Variants in FLVCR1 observed in about 807,000 individuals in gnomAD.
The protein encoded by FLVCR1 is choline/ethanolamine transporter FLVCR1.
FLVCR1 carries 34 observed loss-of-function variants against 53.6 expected under a neutral mutation model. The ratio of observed to expected loss-of-function variants is 0.63; its 90% CI spans 0.48 to 0.84. The LOEUF (loss-of-function observed/expected upper bound fraction) is 0.84. Among genes scored for constraint, FLVCR1 ranks in the 40% least tolerant of loss-of-function variants. The pLI, the probability that FLVCR1 is intolerant of heterozygous loss-of-function variation, is 0.00. For synonymous variants in FLVCR1, 300 were observed against 286.3 expected, an observed-to-expected ratio of 1.05 and a Z score of -0.48; for missense variants, 677 against 696.7, an observed-to-expected ratio of 0.97 and a Z score of 0.32.
At chr1:212,890,686 C>T (rs963359527) in intron 8 of FLVCR1, among the ~76,000 whole-genome samples, 2 of 152,130 alleles carry the variant, frequency 1.3e-5, no homozygotes, top group African/African-American at 4.8e-5. Flanking sequence ...GGTTGTGCTT[C>T]GTTGATCTGG....
intron 8 of FLVCR1, among the ~76,000 whole-genome samples, chr1:212,891,094 A>G (rs1665179510): frequency 6.6e-6 from 1 of 152,138 alleles, no homozygotes; most frequent in Non-Finnish European, 1.5e-5. Context: ...ATTCCTAGGC[A>G]AGTACTATAT....
chr1:212,890,455 T>C (rs1472511659), intron 8 of FLVCR1, among the ~76,000 whole-genome samples: 1 of 125,512 alleles, frequency 8.0e-6, no homozygotes, highest in Non-Finnish European at 1.9e-5. Flanking sequence ...TGATAGCTAA[T>C]GAGCTAAAAA....
chr1:212,892,844 T>A (rs1665228342), intron 8 of FLVCR1, among the ~76,000 whole-genome samples: 1 of 152,014 alleles, frequency 6.6e-6, no homozygotes, highest in Non-Finnish European at 1.5e-5. Context: ...TCTTGATTCA[T>A]GGGAGGAGGT....
At chr1:212,869,163 T>C (rs1256409653) in intron 2 of FLVCR1, among the ~76,000 whole-genome samples, 2 of 152,246 alleles carry the variant, frequency 1.3e-5, no homozygotes, top group African/African-American at 4.8e-5. Flanking sequence ...TTGAATGTGG[T>C]GCTCGAGAAT....
chr1:212,888,430 C>A, intron 6 of FLVCR1, 59 bp from the exon 7 acceptor site: 1 of 1,106,582 alleles, frequency 9.0e-7, no homozygotes, highest in Non-Finnish European at 1.4e-6. Context: ...ATGATTGCAT[C>A]AGTATGTGAT....
chr1:212,892,495 C>T (rs138212311), intron 8 of FLVCR1, among the ~76,000 whole-genome samples: 1 of 152,306 alleles, frequency 6.6e-6, no homozygotes, highest in African/African-American at 2.4e-5. Context: ...CTGTTAGTAG[C>T]ATGGTTTGCT....
intron 8 of FLVCR1, among the ~76,000 whole-genome samples, chr1:212,890,387 C>T (rs1270130839): frequency 6.6e-6 from 1 of 151,970 alleles, no homozygotes; most frequent in Non-Finnish European, 1.5e-5. Flanking sequence ...TTTGGCTTCT[C>T]TGGACCACAT....
intron 1 of FLVCR1, among the ~76,000 whole-genome samples, chr1:212,859,691 T>G (rs1286736473): frequency 6.6e-6 from 1 of 151,998 alleles, no homozygotes; most frequent in Non-Finnish European, 1.5e-5. Context: ...GCACTCCAGC[T>G]TGGGTGACAG....
At chr1:212,877,244 T>A (rs1286630055) in intron 3 of FLVCR1, among the ~76,000 whole-genome samples, 1 of 150,762 alleles carries the variant, frequency 6.6e-6, no homozygotes, top group African/African-American at 2.4e-5. Flanking sequence ...CACACCATTC[T>A]CCTGCCTCAG....
chr1:212,896,017 G>C lies in FLVCR1; in HGVS notation c.*727G>C, dbSNP rs1465668072. The C allele has an allele frequency of 1.3e-5, 2 of 152,230 alleles. No individual in the cohort carries two copies. Among genetic ancestry groups the C allele is most frequent in the African/African-American group, 4.8e-5 (2 of 41,434 alleles). The allele number at this position is 152,230 out of a possible 1,614,324, so 9.4% of individuals were successfully genotyped here. On this transcript the variant is annotated 3_prime_UTR_variant, in exon 10 of 10. Coordinates refer to ENST00000366971, the MANE Select transcript of FLVCR1 (RefSeq NM_014053.4). Reference sequence around the variant, plus strand: ...CCTGGTTACAGGTTCATTCTGTCTTGAGTTCTTTTCTGTGCTGCCTTTCTA... The same window carrying C: ...CCTGGTTACAGGTTCATTCTGTCTTCAGTTCTTTTCTGTGCTGCCTTTCTA...
rs567270153 is a variant in FLVCR1, at chr1:212,860,350, G to GTTTTTTTTTTT, written c.738+1168_738+1178dup. ...TATTATAAAGTTTTTTGTGTGTGTG[G>GTTTTTTTTTTT]TTTTTTTTTTTTTTTTTTGTAGAAA... On this transcript the variant is annotated intron_variant, in intron 1 of 9. Transcript: ENST00000366971. Among the ~76,000 whole-genome samples the GTTTTTTTTTTT allele has an allele frequency of 1.4e-3, 123 of 85,832 alleles. 9 individuals carry two copies. The highest frequency in any genetic ancestry group is 3.6e-3 in the African/African-American group (95 of 26,588). 56.3% of individuals were successfully genotyped at this position (85,832 alleles called of 152,430 possible).
chr1:212,858,353 G>C lies in FLVCR1; in HGVS notation c.-100G>C. The stretch of plus-strand genomic sequence containing the variant: ...CCGGGGAAGGAGCGGTGGGCCGAGG[G>C]GTTGGAGGTGGGGCCCCAGGAGGAC... On this transcript the variant is annotated 5_prime_UTR_variant, in exon 1 of 10. Transcript: ENST00000366971. 8.8e-7 allele frequency: 1 copy of C among 1,139,050 alleles called. No homozygotes were observed. Among genetic ancestry groups the C allele is most frequent in the Non-Finnish European group, 1.2e-6 (1 of 839,832 alleles). 70.6% of individuals were successfully genotyped at this position (1,139,050 alleles called of 1,614,324 possible).
chr1:212,878,579 T>C (rs1041151087), intron 3 of FLVCR1, among the ~76,000 whole-genome samples: 29 of 150,958 alleles, frequency 1.9e-4, no homozygotes, highest in African/African-American at 1.9e-4. Flanking sequence ...GAGACAACTA[T>C]TAAAACTAAT....
intron 1 of FLVCR1, among the ~76,000 whole-genome samples, chr1:212,861,364 A>G (rs141716880): frequency 6.6e-6 from 1 of 152,026 alleles, no homozygotes; most frequent in African/African-American, 2.4e-5. Context: ...TCTGAACCCC[A>G]TTTCTTTTCA....
chr1:212,882,279 CATAAT>C (rs1664951230), intron 3 of FLVCR1, among the ~76,000 whole-genome samples: 2 of 152,214 alleles, frequency 1.3e-5, no homozygotes, highest in Admixed American at 6.5e-5. Flanking sequence ...AGTATATTAA[CATAAT>C]AGAATACTGT....
chr1:212,897,356 A>C lies in FLVCR1; in HGVS notation c.*2066A>C, dbSNP rs1383367375. 1.3e-5 allele frequency: 2 copies of C among 150,506 alleles called. No individual in the cohort carries two copies. Among genetic ancestry groups the C allele is most frequent in the Admixed American group, 1.4e-4 (2 of 14,232 alleles). The allele number at this position is 150,506 out of a possible 1,614,324, so 9.3% of individuals were successfully genotyped here. A position where few individuals can be genotyped will look rare whatever the true frequency, so the allele number is the denominator to read the frequency against. On this transcript the variant is annotated 3_prime_UTR_variant, in exon 10 of 10. Transcript: ENST00000366971. Reference sequence around the variant, plus strand: ...ATCTCTACTAAAAATACATACACACACACACACACACACAAATTAGCCGGG... The same window carrying C: ...ATCTCTACTAAAAATACATACACACCCACACACACACACAAATTAGCCGGG...
At chr1:212,873,297 A>G (rs2102552148) in intron 3 of FLVCR1, among the ~76,000 whole-genome samples, 1 of 146,926 alleles carries the variant, frequency 6.8e-6, no homozygotes, top group Admixed American at 6.9e-5. Flanking sequence ...TGGGCAATAG[A>G]GTGAGACTAT....
chr1:212,886,757 G>T (rs1006724218), intron 5 of FLVCR1, among the ~76,000 whole-genome samples: 24 of 151,948 alleles, frequency 1.6e-4, no homozygotes, highest in African/African-American at 4.8e-4. Flanking sequence ...CTGAGATAGC[G>T]TGCCACTGGT....
At chr1:212,889,087 T>C in intron 7 of FLVCR1, 59 bp from the exon 8 acceptor site, 1 of 1,234,678 alleles carries the variant, frequency 8.1e-7, no homozygotes, top group Non-Finnish European at 1.2e-6. Context: ...GGTGAAAACT[T>C]TATACTTGCT....
Sources: gnomAD v4.1 joint callset for allele counts (sites outside exome capture counted in the v4.1 genomes callset) on GRCh38, gnomAD v4.1.1 for gene constraint, MANE v1.5 for transcripts, NCBI Gene and HGNC (gene_info 2026-07-23, HGNC 2026-07-21) for gene names.